ANXA5: variants seen among roughly 807,000 people sequenced by gnomAD.
ANXA5 encodes the protein annexin A5.
Under a neutral mutation model 48.1 loss-of-function variants are expected in ANXA5, and 40 were observed. The observed-to-expected ratio is 0.83, with a 90% CI of 0.65 to 1.08. The LOEUF (loss-of-function observed/expected upper bound fraction) is 1.08. ANXA5 is among the 50% of genes least tolerant of loss of function. ANXA5 has a pLI of 0.00. For missense variants in ANXA5, 357 were observed against 376.8 expected, an observed-to-expected ratio of 0.95 and a Z score of 0.44; for synonymous variants, 113 against 129.1, an observed-to-expected ratio of 0.88 and a Z score of 0.85.
At chr4:121,675,936 G>A (rs895687373) in intron 8 of ANXA5, among the ~76,000 whole-genome samples, 4 of 152,296 alleles carry the variant, frequency 2.6e-5, no homozygotes, top group Admixed American at 1.3e-4. Context: ...CAGGAGCCTC[G>A]TGCTGCAGCA....
chr4:121,684,070 T>C (rs1352353337), intron 4 of ANXA5, among the ~76,000 whole-genome samples: 1 of 151,990 alleles, frequency 6.6e-6, no homozygotes, highest in African/African-American at 2.4e-5. Flanking sequence ...CAACTAAAAA[T>C]GGTGTTTAGA....
chr4:121,685,115 T>C (rs960732273), intron 3 of ANXA5, among the ~76,000 whole-genome samples: 10 of 151,598 alleles, frequency 6.6e-5, no homozygotes, highest in African/African-American at 2.4e-4. Context: ...TATATATAAA[T>C]GTTTTATTAA....
At chr4:121,669,442 T>C (rs1411766520) in intron 12 of ANXA5, 160 bp downstream of exon 12, 3 of 888,622 alleles carry the variant, frequency 3.4e-6, no homozygotes, top group Non-Finnish European at 5.2e-6. Flanking sequence ...TCATCTCTAC[T>C]TCAGGAAACA....
At chr4:121,677,718 G>C (rs1219326935) in intron 8 of ANXA5, among the ~76,000 whole-genome samples, 176 bp downstream of exon 8, 1 of 152,006 alleles carries the variant, frequency 6.6e-6, no homozygotes, top group Non-Finnish European at 1.5e-5. Flanking sequence ...AAAATATTTT[G>C]CTGACCAGGT....
chr4:121,695,390 T>A (rs1248622412), intron 2 of ANXA5, among the ~76,000 whole-genome samples: 1 of 152,176 alleles, frequency 6.6e-6, no homozygotes, highest in Non-Finnish European at 1.5e-5. Flanking sequence ...TTTTGATAAG[T>A]CAATCTGATA....
chr4:121,684,996 A>C (rs1024246797), intron 3 of ANXA5, among the ~76,000 whole-genome samples: 1 of 150,838 alleles, frequency 6.6e-6, no homozygotes, highest in Non-Finnish European at 1.5e-5. Context: ...CCTGGTCAAC[A>C]TAGTGAGACC....
rs1560825940 is a variant in ANXA5 at position 121,678,438 on chromosome 4, G to GC, written c.450dup (p.Arg151AlafsTer10). 6.8e-6 allele frequency: 11 copies of GC among 1,613,494 alleles called. No individual in the cohort carries two copies. The highest frequency in any genetic ancestry group is 9.3e-6 in the Non-Finnish European group (11 of 1,179,738). On this transcript the variant is annotated frameshift_variant, in exon 7 of 13. Transcript: ENST00000296511. LOFTEE classifies it high-confidence loss of function. ...ACCTGAAGGAGAACCACCAACATCC[G>GC]CTGGTAGTACCCTGAAGTGTCCCCC...
At chr4:121,671,220 G>A (rs935319469) in intron 10 of ANXA5, among the ~76,000 whole-genome samples, 3 of 152,050 alleles carry the variant, frequency 2.0e-5, no homozygotes, top group Non-Finnish European at 4.4e-5. Context: ...AATTCCACAG[G>A]TATCAGAAAT....
At chr4:121,677,856 A>G (rs1724723253) in intron 8 of ANXA5, 38 bp downstream of exon 8, 12 of 1,527,532 alleles carry the variant, frequency 7.9e-6, no homozygotes, top group Non-Finnish European at 1.1e-5. Context: ...CTTCATTTCT[A>G]CAGCATAATA....
chr4:121,694,219 G>T (rs1725039177), intron 2 of ANXA5, among the ~76,000 whole-genome samples: 1 of 150,484 alleles, frequency 6.6e-6, no homozygotes, highest in Non-Finnish European at 1.5e-5. Flanking sequence ...TGCATGTTGT[G>T]CACACATACC....
chr4:121,682,879 G>C (rs1724815880), intron 5 of ANXA5, among the ~76,000 whole-genome samples: 2 of 152,082 alleles, frequency 1.3e-5, no homozygotes, highest in Admixed American at 1.3e-4. Flanking sequence ...TGAAATTATA[G>C]CAAGTTTACC....
At chr4:121,683,324 C>A in intron 5 of ANXA5, 40 bp downstream of exon 5, 1 of 1,190,220 alleles carries the variant, frequency 8.4e-7, no homozygotes, top group Non-Finnish European at 1.2e-6. Context: ...CAAAATAATA[C>A]TATCTATGCA....
intron 6 of ANXA5, chr4:121,681,315 C>A (rs1724789685): frequency 6.2e-6 from 1 of 161,810 alleles, no homozygotes; most frequent in Admixed American, 6.4e-5. Flanking sequence ...TTATATAACT[C>A]CTAAATTTTG....
At chr4:121,679,214 A>G (rs10019175) in intron 6 of ANXA5, among the ~76,000 whole-genome samples, 148,536 of 152,284 alleles carry the variant, frequency 0.98, 72,549 homozygotes, top group East Asian at 1. Flanking sequence ...GAAGAGTTAC[A>G]TGTTTATTTC....
chr4:121,678,388 A>G (rs1258463348), intron 7 of ANXA5, 27 bp downstream of exon 7: 1 of 1,597,004 alleles, frequency 6.3e-7, no homozygotes, highest in African/African-American at 1.3e-5. Flanking sequence ...CTTTTTAATC[A>G]AACTGTAATT....
chr4:121,683,613 A>C (rs943423644), intron 4 of ANXA5, 136 bp from the exon 5 acceptor site: 1 of 538,262 alleles, frequency 1.9e-6, no homozygotes, highest in African/African-American at 2.0e-5. Flanking sequence ...GAGCTAAACA[A>C]AACCCTATAA....
At chr4:121,688,588 G>C (rs952297167) in intron 2 of ANXA5, among the ~76,000 whole-genome samples, 3 of 152,086 alleles carry the variant, frequency 2.0e-5, no homozygotes, top group East Asian at 1.9e-4. Context: ...TTCAACTGTA[G>C]TCCTTACCCT....
intron 2 of ANXA5, among the ~76,000 whole-genome samples, chr4:121,687,388 A>G (rs1313668855): frequency 1.3e-5 from 2 of 152,048 alleles, no homozygotes; most frequent in South Asian, 4.1e-4. Context: ...TGTTTATCTT[A>G]CGCTAAATGG....
chr4:121,669,357 C>A (rs977968264), intron 12 of ANXA5: 3 of 433,234 alleles, frequency 6.9e-6, no homozygotes, highest in African/African-American at 6.1e-5. Flanking sequence ...TCATCTGTTA[C>A]CACTACTAAA....
Sources: allele counts gnomAD v4.1 joint callset (sites outside exome capture counted in the v4.1 genomes callset), GRCh38; gene constraint gnomAD v4.1.1; transcripts MANE v1.5; gene names NCBI Gene and HGNC (gene_info 2026-07-23, HGNC 2026-07-21).